The following PALM2AKAP2 variants were observed in gnomAD, a reference collection of about 807,000 sequenced individuals.
The protein encoded by PALM2AKAP2 is PALM2 and AKAP2 fusion.
Under a neutral mutation model 71.5 loss-of-function variants are expected in PALM2AKAP2, and 37 were observed. That is an observed-to-expected ratio of 0.52 (90% CI 0.40 to 0.68). The LOEUF is 0.68. PALM2AKAP2 is among the 30% of genes least tolerant of loss of function. PALM2AKAP2 has a pLI of 0.00. For missense variants in PALM2AKAP2, 1,224 were observed against 1,191.8 expected (o/e 1.03, Z -0.40); for synonymous variants, 468 against 478.8 (o/e 0.98, Z 0.29).
At chr9:109,767,577 AC>A (rs1829174070) in intron 1 of PALM2AKAP2, among the ~76,000 whole-genome samples, 1 of 151,860 alleles carries the variant, frequency 6.6e-6, no homozygotes, top group Non-Finnish European at 1.5e-5. Flanking sequence ...AGTTTGCTTA[AC>A]CCCTCCCAAG....
At chr9:109,925,734 C>T (rs1830942840) in intron 5 of PALM2AKAP2, among the ~76,000 whole-genome samples, 1 of 152,168 alleles carries the variant, frequency 6.6e-6, no homozygotes, top group Non-Finnish European at 1.5e-5. Flanking sequence ...CTCTCCTCTC[C>T]TTACCTGGAC....
At chr9:110,136,534 G>C (rs1835873415) in exon 2 of PALM2AKAP2, 2 of 1,613,250 alleles carry the variant, frequency 1.2e-6, no homozygotes, top group African/African-American at 2.7e-5. Flanking sequence ...AGGCGACCCA[G>C]CCAGAACCCA....
intron 1 of PALM2AKAP2, among the ~76,000 whole-genome samples, chr9:109,761,436 C>T (rs1044393280): frequency 6.6e-6 from 1 of 152,068 alleles, no homozygotes; most frequent in African/African-American, 2.4e-5. Flanking sequence ...TGTACATGTG[C>T]CATGGTGGTT....
At chr9:110,091,019 G>A (rs1026691210) in intron 1 of PALM2AKAP2, among the ~76,000 whole-genome samples, 6 of 151,790 alleles carry the variant, frequency 4.0e-5, no homozygotes. Flanking sequence ...CATGGGTAAA[G>A]CTAAAGAATG....
At chr9:110,127,554 C>A (rs910121603) in intron 1 of PALM2AKAP2, 2 of 152,342 alleles carry the variant, frequency 1.3e-5, no homozygotes, top group African/African-American at 4.8e-5. Context: ...CTCTCCTCTC[C>A]TCCACTTCCC....
rs142434360 is a variant in PALM2AKAP2, at chr9:109,854,918, G to C, written c.46-12573G>C. Among the ~76,000 whole-genome samples the C allele has an allele frequency of 4.6e-3, 697 of 151,446 alleles. 7 individuals are homozygous for C. Among genetic ancestry groups the C allele is most frequent in the East Asian group, 0.041 (212 of 5,126 alleles). ...CCTGAGTAGCTGGGACTACAGGTGT[G>C]TGCCACCACGCCTGGCTAATTTTTT... On this transcript the variant is annotated intron_variant, in intron 1 of 9. Transcript: ENST00000302798.
At chr9:110,005,443 G>T (rs1832759814) in intron 6 of PALM2AKAP2, among the ~76,000 whole-genome samples, 1 of 152,232 alleles carries the variant, frequency 6.6e-6, no homozygotes, top group Non-Finnish European at 1.5e-5. Context: ...CCTCCTGGGG[G>T]GTGCCTCCCA....
chr9:109,995,730 G>A (rs1321273551), intron 6 of PALM2AKAP2, among the ~76,000 whole-genome samples: 1 of 152,196 alleles, frequency 6.6e-6, no homozygotes, highest in Non-Finnish European at 1.5e-5. Flanking sequence ...CATGGCGTGG[G>A]CATTATGGGA....
At chr9:109,864,934 T>A (rs1829409018) in intron 1 of PALM2AKAP2, among the ~76,000 whole-genome samples, 1 of 152,110 alleles carries the variant, frequency 6.6e-6, no homozygotes, top group Non-Finnish European at 1.5e-5. Flanking sequence ...CTAGCCAATC[T>A]GTTGAGTCAT....
At chr9:110,165,812 A>C (rs1385360883) in intron 3 of PALM2AKAP2, among the ~76,000 whole-genome samples, 1 of 152,222 alleles carries the variant, frequency 6.6e-6, no homozygotes, top group Non-Finnish European at 1.5e-5. Context: ...ACTTGGTAGG[A>C]AACTAATAAA....
At chr9:109,799,961 G>T (rs1189052130) in intron 1 of PALM2AKAP2, among the ~76,000 whole-genome samples, 1 of 152,216 alleles carries the variant, frequency 6.6e-6, no homozygotes, top group Non-Finnish European at 1.5e-5. Flanking sequence ...TTTCAGAGGA[G>T]CCTGGGAAGA....
chr9:110,074,552 C>G (rs1834277419), intron 1 of PALM2AKAP2, among the ~76,000 whole-genome samples: 1 of 152,064 alleles, frequency 6.6e-6, no homozygotes, highest in African/African-American at 2.4e-5. Flanking sequence ...TGGAAAAAGT[C>G]CTTGTTTTTC....
chr9:109,923,913 G>GTGC (rs3831233), intron 4 of PALM2AKAP2, 64 bp downstream of exon 4: 33,652 of 1,443,104 alleles, frequency 0.023, 1,345 homozygotes, highest in East Asian at 0.14. Context: ...TAGCAAAATG[G>GTGC]TGCTAACTGG....
chr9:110,143,047 C>T (rs1054566157), intron 2 of PALM2AKAP2, among the ~76,000 whole-genome samples: 1 of 152,016 alleles, frequency 6.6e-6, no homozygotes, highest in African/African-American at 2.4e-5. Flanking sequence ...TTGGTGAACA[C>T]CCTGTATGTT....
rs575866620 is a variant in PALM2AKAP2, at chr9:109,936,770, G to A, written c.496+4742G>A. On this transcript the variant is annotated intron_variant, in intron 6 of 9. Coordinates refer to the PALM2AKAP2 transcript ENST00000302798. The stretch of plus-strand genomic sequence containing the variant: ...ATGAGAAAATGAAGCCCCAAAATGG[G>A]GTGTGATCTGGATAGGAATTCAGAT... Among the ~76,000 whole-genome samples, 9 of 152,242 alleles carry A rather than the reference G, an allele frequency of 5.9e-5. No homozygotes were observed. The East Asian group carries it at 1.4e-3, about 23-fold the overall frequency.
At chr9:110,070,674 C>G (rs1469452251) in intron 1 of PALM2AKAP2, among the ~76,000 whole-genome samples, 1 of 152,152 alleles carries the variant, frequency 6.6e-6, no homozygotes, top group East Asian at 1.9e-4. Flanking sequence ...GTTTAGCTGC[C>G]TGAACTAACT....
chr9:110,008,581 G>C (rs1174923005), intron 6 of PALM2AKAP2, among the ~76,000 whole-genome samples: 1 of 152,158 alleles, frequency 6.6e-6, no homozygotes, highest in Non-Finnish European at 1.5e-5. Context: ...CTTGGAGGTT[G>C]ATGGGGAAGG....
chr9:109,763,476 A>T (rs1197266148), intron 1 of PALM2AKAP2, among the ~76,000 whole-genome samples: 3 of 152,192 alleles, frequency 2.0e-5, no homozygotes, highest in Non-Finnish European at 2.9e-5. Flanking sequence ...TACCATATCC[A>T]GTTTAGGAAC....
chr9:110,007,850 C>T (rs1832813019), intron 6 of PALM2AKAP2, among the ~76,000 whole-genome samples: 1 of 152,120 alleles, frequency 6.6e-6, no homozygotes. Flanking sequence ...TTAGTTTCAA[C>T]AAAGTTTGGA....
Sources: allele counts gnomAD v4.1 joint callset (sites outside exome capture counted in the v4.1 genomes callset), GRCh38; gene constraint gnomAD v4.1.1; transcripts MANE v1.5; gene names NCBI Gene and HGNC (gene_info 2026-07-23, HGNC 2026-07-21).